The following ZNF786 variants were observed in gnomAD, a reference collection of about 807,000 sequenced individuals.
ZNF786 encodes the protein zinc finger protein 786.
ZNF786 carries 56 observed loss-of-function variants against 63.1 expected under a neutral mutation model. The observed-to-expected ratio is 0.89, with a 90% CI of 0.72 to 1.11. The LOEUF is 1.11. Ranked by LOEUF, ZNF786 falls within the 50% of genes least tolerant of loss-of-function variation. The pLI, the probability that ZNF786 is intolerant of heterozygous loss-of-function variation, is 0.00. For synonymous variants in ZNF786, 485 were observed against 406.9 expected, an observed-to-expected ratio of 1.19 and a Z score of -2.31; for missense variants, 1,213 against 1,041.8, an observed-to-expected ratio of 1.16 and a Z score of -2.26.
In ZNF786 at chr7:149,071,902, C is replaced by T; in HGVS notation, c.870G>A (p.Gln290=). ...ELTHPSHRLP[Q]QGEKPAQCTP... is the part of the protein sequence containing the mutation. ...TGCACTGGGCAGGCTTCTCCCCCTGCTGCGGGAGGCGGTGGCTGGGATGGG... is the reference window on the plus strand; with the variant it reads ...TGCACTGGGCAGGCTTCTCCCCCTGTTGCGGGAGGCGGTGGCTGGGATGGG... The change falls in exon 4 of 4, where the codon CAG becomes CAA. Residue 290 remains glutamine (Q), a synonymous_variant. Coordinates refer to ENST00000491431, the MANE Select transcript of ZNF786 (RefSeq NM_152411.4). The T allele has an allele frequency of 6.2e-7, 1 of 1,604,572 alleles. No individual in the cohort carries two copies. The highest frequency in any genetic ancestry group is 8.5e-7 in the Non-Finnish European group (1 of 1,176,570).
In ZNF786 at chr7:149,081,806, CTGTT is replaced by C. The variant is rs532911759; in HGVS notation, c.19-1093_19-1090del. Among the ~76,000 whole-genome samples, 18 of 152,274 alleles carry C rather than the reference CTGTT, an allele frequency of 1.2e-4. No homozygotes were observed. The East Asian group carries it at 2.9e-3, about 24-fold the overall frequency. ...GGGTATCCAAATTGGAAAACTATCT[CTGTT>C]TGCCAATGATATGATCCTCCACCTA... On this transcript the variant is annotated intron_variant, in intron 1 of 3. Coordinates refer to ENST00000491431, the MANE Select transcript of ZNF786 (RefSeq NM_152411.4).
rs369500362 is a variant in ZNF786 at position 149,090,688 on chromosome 7, G to C, written c.-48C>G. On this transcript the variant is annotated 5_prime_UTR_variant, in exon 1 of 4. Coordinates refer to ENST00000491431, the MANE Select transcript of ZNF786 (RefSeq NM_152411.4). Reference sequence around the variant, plus strand: ...CCTGGCAAACCCGACCGTCTCCGGCGGCTCCGCAGGAACCTGCCCTGCTGC... The same window carrying C: ...CCTGGCAAACCCGACCGTCTCCGGCCGCTCCGCAGGAACCTGCCCTGCTGC... The C allele has an allele frequency of 2.6e-6, 4 of 1,561,320 alleles. No individual in the cohort carries two copies. In the Admixed American group the frequency reaches 5.4e-5, roughly 21 times the overall value.
chr7:149,081,953 C>A (rs1294485574), intron 1 of ZNF786, among the ~76,000 whole-genome samples: 4 of 152,198 alleles, frequency 2.6e-5, no homozygotes, highest in Admixed American at 2.6e-4. Context: ...CACTGCTATA[C>A]ACCAACAGCG....
intron 1 of ZNF786, among the ~76,000 whole-genome samples, chr7:149,088,249 C>T (rs1276430015): frequency 6.6e-6 from 1 of 152,062 alleles, no homozygotes; most frequent in Non-Finnish European, 1.5e-5. Context: ...GTGATCTGCC[C>T]ACCTGGACCT....
intron 3 of ZNF786, among the ~76,000 whole-genome samples, chr7:149,074,045 G>A (rs1246720514): frequency 1.3e-5 from 2 of 151,124 alleles, no homozygotes; most frequent in African/African-American, 2.4e-5. Context: ...TGCCCGCCTC[G>A]GCCACCCAAA....
At chr7:149,083,734 C>T (rs1825688447) in intron 1 of ZNF786, among the ~76,000 whole-genome samples, 1 of 152,258 alleles carries the variant, frequency 6.6e-6, no homozygotes, top group Non-Finnish European at 1.5e-5. Flanking sequence ...TATTCATTCC[C>T]TGCTTCGTAT....
At chr7:149,076,502 G>A (rs1486654009) in intron 2 of ZNF786, among the ~76,000 whole-genome samples, 1 of 150,782 alleles carries the variant, frequency 6.6e-6, no homozygotes, top group Non-Finnish European at 1.5e-5. Flanking sequence ...GCCGAGGCGG[G>A]AGGATGACGA....
rs573027357 is a variant in ZNF786, at chr7:149,070,840, G to A, written c.1932C>T (p.Ser644=). The change falls in exon 4 of 4, where the codon AGC becomes AGT. Residue 644 remains serine, a synonymous_variant. Coordinates refer to ENST00000491431, the MANE Select transcript of ZNF786 (RefSeq NM_152411.4). ...ACTCACAGGAGAAAGGCATCTCCCC[G>A]CTGTGCAGCAGCTGGTGGGCCTTCA... ...ADMKAHQLLH[S]GEMPFSCECG... is the part of the protein sequence containing the mutation. The A allele has an allele frequency of 2.5e-6, 4 of 1,613,584 alleles. No homozygotes were observed. The East Asian group carries it at 6.7e-5, about 27-fold the overall frequency.
intron 2 of ZNF786, among the ~76,000 whole-genome samples, chr7:149,075,483 T>A (rs1220164985): frequency 6.6e-6 from 1 of 151,858 alleles, no homozygotes; most frequent in Admixed American, 6.6e-5. Flanking sequence ...ACTCAAGTAG[T>A]CTTACCCCAC....
chr7:149,075,539 C>T (rs904497691), intron 2 of ZNF786, among the ~76,000 whole-genome samples: 8 of 152,000 alleles, frequency 5.3e-5, no homozygotes, highest in Admixed American at 1.3e-4. Flanking sequence ...GCCACCGCAC[C>T]TGGCCAGTGG....
rs1291654343 is a variant in ZNF786, at chr7:149,071,103, G to C, written c.1669C>G (p.His557Asp). The C allele has an allele frequency of 1.9e-6, 3 of 1,611,710 alleles. No homozygotes were observed. In the Admixed American group the frequency reaches 5.0e-5, roughly 27 times the overall value. ...AACGGCCTCTCCTTGCTGTGCGTGT[G>C]CTGGTGGGCCTTCAGGATGCCCTTC... ...RLKGILKAHQ[H>D]THSKERPFSC... The change falls in exon 4 of 4, where the codon CAC becomes GAC. Residue 557 changes from histidine to aspartate, a missense_variant. Physicochemically the swap from His to Asp is moderately conservative, Grantham distance 81. Transcript: ENST00000491431.
In ZNF786 at chr7:149,090,635, C is replaced by T; in HGVS notation, c.6G>A (p.Ala2=). M[A]EPPRLPLTFE... is the part of the protein sequence containing the mutation. ...CTAGCCCGCTTACCCGAGGCGGCTC[C>T]GCCATGGTCCCCGCGGTCCCGCCCG... The change falls in exon 1 of 4, where the codon GCG becomes GCA. Residue 2 remains alanine, a synonymous_variant. Transcript: ENST00000491431. 4.4e-6 allele frequency: 7 copies of T among 1,590,856 alleles called. No homozygotes were observed. The highest frequency in any genetic ancestry group is 2.3e-5 in the South Asian group (2 of 88,430).
At chr7:149,087,660 C>T (rs1244759415) in intron 1 of ZNF786, among the ~76,000 whole-genome samples, 2 of 152,156 alleles carry the variant, frequency 1.3e-5, no homozygotes, top group Admixed American at 6.6e-5. Flanking sequence ...TGTTATGAGC[C>T]CTACCCATTC....
intron 1 of ZNF786, among the ~76,000 whole-genome samples, chr7:149,088,578 A>G (rs2129516961): frequency 6.6e-6 from 1 of 152,360 alleles, no homozygotes; most frequent in South Asian, 2.1e-4. Context: ...TCTGATTAAA[A>G]TTCCTTACTT....
At chr7:149,083,864 A>G (rs147326060) in intron 1 of ZNF786, among the ~76,000 whole-genome samples, 3 of 152,326 alleles carry the variant, frequency 2.0e-5, no homozygotes, top group African/African-American at 7.2e-5. Flanking sequence ...TGCAAAGGAT[A>G]TGATTTTCTT....
In ZNF786 at chr7:149,071,103, G is replaced by A; in HGVS notation, c.1669C>T (p.His557Tyr). 2 of 1,611,710 alleles carry A rather than the reference G, an allele frequency of 1.2e-6. No individual in the cohort carries two copies. Among genetic ancestry groups the A allele is most frequent in the African/African-American group, 1.3e-5 (1 of 74,918 alleles). Reference protein sequence around the residue: ...RLKGILKAHQHTHSKERPFSC... With the variant: ...RLKGILKAHQYTHSKERPFSC... Reference sequence around the variant, plus strand: ...AACGGCCTCTCCTTGCTGTGCGTGTGCTGGTGGGCCTTCAGGATGCCCTTC... The same window carrying A: ...AACGGCCTCTCCTTGCTGTGCGTGTACTGGTGGGCCTTCAGGATGCCCTTC... Residue 557 changes from histidine to tyrosine, a missense_variant, in exon 4 of 4, where the codon CAC becomes TAC. Physicochemically the swap from His to Tyr is moderately conservative, Grantham distance 83 (BLOSUM62 2). Transcript: ENST00000491431.
At position 149,074,461 on chromosome 7, in the gene ZNF786, G is replaced by A; in HGVS notation, c.223C>T (p.Gln75Ter). ...GAGCAAATTATGTTTCCTGATTTCT[G>A]TGATTCTCTCCATTTCCTGAAGGGC... ...GEPFRKWRESQKSGNIICSSV... is the reference protein window; with the variant it reads ...GEPFRKWRES The change falls in exon 3 of 4, where the codon CAG becomes TAG. Residue 75 changes from glutamine to a stop codon, truncating the protein, a stop_gained. Transcript: ENST00000491431. LOFTEE classifies it high-confidence loss of function. 1.2e-6 allele frequency: 2 copies of A among 1,613,894 alleles called. No individual in the cohort carries two copies. The highest frequency in any genetic ancestry group is 1.7e-6 in the Non-Finnish European group (2 of 1,179,862).
chr7:149,072,433 A>G lies in ZNF786; in HGVS notation c.339T>C (p.His113=), dbSNP rs1318342579. The part of the protein sequence containing the change: ...QAMNSGKTKS[H]FQLDPESQCS... Reference sequence around the variant, plus strand: ...ACTGGCTTTCAGGATCTAATTGGAAATGGCTTTTAGTTTTTCCTGAATTCA... The same window carrying G: ...ACTGGCTTTCAGGATCTAATTGGAAGTGGCTTTTAGTTTTTCCTGAATTCA... The change falls in exon 4 of 4, where the codon CAT becomes CAC. Residue 113 remains histidine, a synonymous_variant. Coordinates refer to ENST00000491431, the MANE Select transcript of ZNF786 (RefSeq NM_152411.4). 1 of 1,604,312 alleles carries G rather than the reference A, an allele frequency of 6.2e-7. No homozygotes were observed. The highest frequency in any genetic ancestry group is 1.7e-5 in the Admixed American group (1 of 57,354).
At chr7:149,080,502 T>C (rs1229140910) in intron 2 of ZNF786, 89 bp downstream of exon 2, 1 of 1,338,320 alleles carries the variant, frequency 7.5e-7, no homozygotes, top group Admixed American at 3.2e-5. Context: ...TGAGAAATCT[T>C]GCTACCTGAG....
Sources: allele counts gnomAD v4.1 joint callset (sites outside exome capture counted in the v4.1 genomes callset), GRCh38; gene constraint gnomAD v4.1.1; transcripts MANE v1.5; gene names NCBI Gene and HGNC (gene_info 2026-07-23, HGNC 2026-07-21).